MACROD2: variants seen among roughly 807,000 people sequenced by gnomAD.
The protein encoded by MACROD2 is mono-ADP ribosylhydrolase 2.
Under a neutral mutation model 70.4 loss-of-function variants are expected in MACROD2, and 36 were observed. The observed-to-expected ratio is 0.51, with a 90% CI of 0.39 to 0.68. MACROD2 has a LOEUF of 0.68. MACROD2 is among the 30% of genes least tolerant of loss of function. MACROD2 has a pLI of 0.00. For synonymous variants in MACROD2, 172 were observed against 178.8 expected (o/e 0.96, Z 0.30); for missense variants, 496 against 538.4 (o/e 0.92, Z 0.78).
chr20:14,502,947 A>C (rs1343880516), intron 4 of MACROD2, among the ~76,000 whole-genome samples: 1 of 152,200 alleles, frequency 6.6e-6, no homozygotes, highest in African/African-American at 2.4e-5. Context: ...TGCCCAGAGT[A>C]AAAAATAATT....
chr20:15,464,885 C>T (rs763412535), intron 7 of MACROD2, among the ~76,000 whole-genome samples: 6 of 152,116 alleles, frequency 3.9e-5, no homozygotes, highest in African/African-American at 9.7e-5. Flanking sequence ...TCCAATGCCT[C>T]GAACTGTGAA....
chr20:14,152,412 C>A (rs887461496), intron 3 of MACROD2, among the ~76,000 whole-genome samples: 1 of 144,386 alleles, frequency 6.9e-6, no homozygotes, highest in African/African-American at 2.5e-5. Flanking sequence ...AAATTCTGTT[C>A]CTTTTTCTCC....
chr20:15,679,994 A>G (rs2050138883), intron 8 of MACROD2, among the ~76,000 whole-genome samples: 1 of 152,182 alleles, frequency 6.6e-6, no homozygotes. Context: ...TACTTAACCT[A>G]TGATGTTTTA....
intron 3 of MACROD2, among the ~76,000 whole-genome samples, chr20:14,284,130 G>T (rs1439528663): frequency 1.3e-5 from 2 of 152,134 alleles, no homozygotes; most frequent in African/African-American, 4.8e-5. Flanking sequence ...TTGCAAAATG[G>T]CAGTGTCTGT....
intron 5 of MACROD2, among the ~76,000 whole-genome samples, chr20:15,079,969 A>G (rs1049126629): frequency 6.6e-6 from 1 of 152,004 alleles, no homozygotes; most frequent in Non-Finnish European, 1.5e-5. Flanking sequence ...TCTTCAAACT[A>G]CTAAATCTAC....
intron 8 of MACROD2, among the ~76,000 whole-genome samples, chr20:15,810,974 C>G (rs1353447282): frequency 1.3e-5 from 2 of 149,102 alleles, no homozygotes; most frequent in East Asian, 3.9e-4. Context: ...GACCTAAAAC[C>G]ATAAAAACCC....
intron 3 of MACROD2, among the ~76,000 whole-genome samples, chr20:14,300,068 A>G (rs1471567753): frequency 6.6e-6 from 1 of 152,094 alleles, no homozygotes; most frequent in African/African-American, 2.4e-5. Flanking sequence ...ACCTGTTTCT[A>G]AGGTTTTCTA....
At position 14,496,498 on chromosome 20, in the gene MACROD2, G is replaced by T. The variant is rs543929547; in HGVS notation, c.301+2990G>T. Among the ~76,000 whole-genome samples the T allele has an allele frequency of 5.3e-5, 8 of 152,196 alleles. No homozygotes were observed. The South Asian group carries it at 1.7e-3, about 32-fold the overall frequency. On this transcript the variant is annotated intron_variant, in intron 4 of 17. Transcript: ENST00000684519. ...TGATCCCCTGAAAGACTTAAAAAAT[G>T]GTCACATATCATCCTCTCAGTGCTG... is the stretch of plus-strand genomic sequence containing the variant.
At chr20:15,810,020 C>T (rs2063804628) in intron 8 of MACROD2, among the ~76,000 whole-genome samples, 1 of 133,352 alleles carries the variant, frequency 7.5e-6, no homozygotes, top group Non-Finnish European at 1.6e-5. Context: ...CCCCCTCCCC[C>T]CACCCCACAA....
At chr20:14,637,154 T>G (rs1183054520) in intron 4 of MACROD2, among the ~76,000 whole-genome samples, 2 of 152,124 alleles carry the variant, frequency 1.3e-5, no homozygotes, top group Non-Finnish European at 2.9e-5. Flanking sequence ...AGAATAGAGA[T>G]TCAGAAAGAT....
chr20:14,067,024 G>A (rs2053769070), intron 2 of MACROD2, among the ~76,000 whole-genome samples: 1 of 151,238 alleles, frequency 6.6e-6, no homozygotes, highest in African/African-American at 2.4e-5. Flanking sequence ...TGTTAGCCAG[G>A]ATGGTCTCAA....
intron 8 of MACROD2, among the ~76,000 whole-genome samples, chr20:15,678,073 A>G (rs999908254): frequency 1.3e-5 from 2 of 150,292 alleles, no homozygotes; most frequent in Non-Finnish European, 2.9e-5. Flanking sequence ...GAAAAAAAAA[A>G]TGTATTTCAA....
rs367942703 is a variant in MACROD2, at chr20:15,800,888, C to T, written c.646-61857C>T. Among the ~76,000 whole-genome samples the T allele has an allele frequency of 3.6e-4, 55 of 151,898 alleles. No homozygotes were observed. The East Asian group carries it at 7.0e-3, about 19-fold the overall frequency. On this transcript the variant is annotated intron_variant, in intron 8 of 17. Coordinates refer to ENST00000684519, the MANE Select transcript of MACROD2 (RefSeq NM_001351661.2). ...GGGAACCTGTTGATCTGTGACCTTA[C>T]CCCCAACCCTGTGCTCTCTGAAACA...
chr20:14,423,926 C>A (rs1265610983), intron 3 of MACROD2, among the ~76,000 whole-genome samples: 1 of 151,530 alleles, frequency 6.6e-6, no homozygotes, highest in Non-Finnish European at 1.5e-5. Context: ...CCACACCCGG[C>A]TAATTTTGTA....
At chr20:14,156,282 C>G (rs1371563184) in intron 3 of MACROD2, among the ~76,000 whole-genome samples, 2 of 152,180 alleles carry the variant, frequency 1.3e-5, no homozygotes, top group African/African-American at 2.4e-5. Context: ...TTTTTTGGCT[C>G]TATTTCCCAA....
At chr20:14,122,794 C>T (rs1356862027) in intron 3 of MACROD2, among the ~76,000 whole-genome samples, 1 of 152,140 alleles carries the variant, frequency 6.6e-6, no homozygotes. Flanking sequence ...CAGTTTTGTT[C>T]TCCTTGACTT....
intron 8 of MACROD2, among the ~76,000 whole-genome samples, chr20:15,687,474 T>C (rs2050242966): frequency 6.6e-6 from 1 of 151,522 alleles, no homozygotes; most frequent in African/African-American, 2.4e-5. Context: ...ACACCGGTCA[T>C]TGACTTTCTA....
At chr20:14,882,425 G>A (rs972696919) in intron 5 of MACROD2, among the ~76,000 whole-genome samples, 1 of 152,118 alleles carries the variant, frequency 6.6e-6, no homozygotes, top group Non-Finnish European at 1.5e-5. Context: ...TCCCTGAAGG[G>A]AAGAAGCATG....
Position 15,461,006 on chromosome 20 carries a change from A to ATATT in MACROD2, c.571+29572_571+29573insATTT. Among the ~76,000 whole-genome samples the ATATT allele has an allele frequency of 3.2e-3, 212 of 67,000 alleles. 2 individuals are homozygous for ATATT. In the Middle Eastern group the frequency reaches 0.035, roughly 11 times the overall value. 44.0% of individuals were successfully genotyped at this position (67,000 alleles called of 152,430 possible). On this transcript the variant is annotated intron_variant, in intron 7 of 17. Transcript: ENST00000684519. ...TATATATATATATATATATATATAT[A>ATATT]TTTTTTTTTAATAGATGGGGTCTTG...
Sources: allele counts gnomAD v4.1 joint callset (sites outside exome capture counted in the v4.1 genomes callset), GRCh38; gene constraint gnomAD v4.1.1; transcripts MANE v1.5; gene names NCBI Gene and HGNC (gene_info 2026-07-23, HGNC 2026-07-21).